ACSL5: variants seen among roughly 807,000 people sequenced by gnomAD.
The protein encoded by ACSL5 is long-chain-fatty-acid--CoA ligase 5.
ACSL5 carries 50 observed loss-of-function variants against 84.9 expected under a neutral mutation model. The ratio of observed to expected loss-of-function variants is 0.59; its 90% CI spans 0.47 to 0.75. ACSL5 has a LOEUF of 0.75. Ranked by LOEUF, ACSL5 falls within the 30% of genes least tolerant of loss-of-function variation. ACSL5 has a pLI of 0.00. For missense variants in ACSL5, 775 were observed against 830.4 expected, an observed-to-expected ratio of 0.93 and a Z score of 0.82; for synonymous variants, 280 against 300.7, an observed-to-expected ratio of 0.93 and a Z score of 0.71.
intron 1 of ACSL5, among the ~76,000 whole-genome samples, chr10:112,381,176 C>T (rs1849341378): frequency 6.6e-6 from 1 of 152,180 alleles, no homozygotes; most frequent in African/African-American, 2.4e-5. Context: ...TCTTAATGTG[C>T]TCCAGTCTGC....
intron 3 of ACSL5, among the ~76,000 whole-genome samples, chr10:112,399,654 C>T (rs1402984081): frequency 6.6e-6 from 1 of 152,232 alleles, no homozygotes; most frequent in African/African-American, 2.4e-5. Flanking sequence ...TGGCTTATAG[C>T]TCTTTCTGTG....
intron 1 of ACSL5, among the ~76,000 whole-genome samples, chr10:112,382,691 T>C (rs1200032945): frequency 6.6e-6 from 1 of 152,228 alleles, no homozygotes; most frequent in Non-Finnish European, 1.5e-5. Context: ...TATGGTATGC[T>C]TGCCTGTGGC....
chr10:112,389,621 A>G (rs1195532261), intron 1 of ACSL5, among the ~76,000 whole-genome samples: 1 of 152,150 alleles, frequency 6.6e-6, no homozygotes, highest in Admixed American at 6.5e-5. Flanking sequence ...AGTCACGCCC[A>G]CTGCTTACAG....
At chr10:112,407,873 C>G (rs544046883) in intron 5 of ACSL5, among the ~76,000 whole-genome samples, 8 of 152,148 alleles carry the variant, frequency 5.3e-5, no homozygotes, top group African/African-American at 1.4e-4. Context: ...ATACCTCTTA[C>G]GGATGGAACT....
At chr10:112,400,247 T>A (rs1427741087) in intron 3 of ACSL5, among the ~76,000 whole-genome samples, 1 of 152,088 alleles carries the variant, frequency 6.6e-6, no homozygotes, top group African/African-American at 2.4e-5. Flanking sequence ...GATCTTGCTC[T>A]GTCACCCAGG....
chr10:112,383,236 G>C (rs1046479344), intron 1 of ACSL5, among the ~76,000 whole-genome samples: 1 of 152,258 alleles, frequency 6.6e-6, no homozygotes, highest in African/African-American at 2.4e-5. Context: ...AGTGAGCTGA[G>C]CATGTTAGGA....
intron 1 of ACSL5, among the ~76,000 whole-genome samples, chr10:112,378,915 T>C (rs1237917807): frequency 1.6e-5 from 2 of 127,194 alleles, no homozygotes; most frequent in East Asian, 4.8e-4. Context: ...AGACAGCCCG[T>C]GCAATGCTGT....
chr10:112,396,670 T>C (rs1182144798), intron 2 of ACSL5, among the ~76,000 whole-genome samples: 5 of 152,140 alleles, frequency 3.3e-5, no homozygotes, highest in African/African-American at 2.4e-5. Context: ...TGTCTTTTCA[T>C]GCATGTTTTC....
intron 5 of ACSL5, among the ~76,000 whole-genome samples, chr10:112,405,594 A>G (rs1268626581): frequency 1.3e-5 from 2 of 152,156 alleles, no homozygotes; most frequent in Non-Finnish European, 2.9e-5. Context: ...GTCAGCCTCA[A>G]TAGAAAAAGG....
chr10:112,392,701 A>C (rs956785767), intron 1 of ACSL5, among the ~76,000 whole-genome samples: 81 of 150,394 alleles, frequency 5.4e-4, no homozygotes, highest in African/African-American at 1.9e-3. Flanking sequence ...AGATTGTACC[A>C]CTGCACTCCA....
Position 112,413,047 on chromosome 10 carries a change from C to T in ACSL5, c.949-126C>T, listed in dbSNP as rs531052337. 1.6e-4 allele frequency: 162 copies of T among 999,284 alleles called. No homozygotes were observed. In the African/African-American group the frequency reaches 2.4e-3, roughly 15 times the overall value. The allele number at this position is 999,284 out of a possible 1,614,324, so 61.9% of individuals were successfully genotyped here. ...TGTGCCTCAGCCCACTTCCCAAATT[C>T]CTTCCAAGACAGGTCCCCACTGAAG... On this transcript the variant is annotated intron_variant, in intron 11 of 20. Coordinates refer to ENST00000354655, the MANE Select transcript of ACSL5 (RefSeq NM_203379.2).
At chr10:112,394,339 A>G (rs1011041707) in intron 1 of ACSL5, among the ~76,000 whole-genome samples, 1 of 152,220 alleles carries the variant, frequency 6.6e-6, no homozygotes, top group Non-Finnish European at 1.5e-5. Flanking sequence ...AATGCTGTTG[A>G]TCTCAGAAAT....
chr10:112,392,028 T>C (rs1843652534), intron 1 of ACSL5, among the ~76,000 whole-genome samples: 1 of 152,220 alleles, frequency 6.6e-6, no homozygotes, highest in Non-Finnish European at 1.5e-5. Flanking sequence ...TTGCAAAGTC[T>C]CCTATTAAAA....
At chr10:112,412,212 A>G (rs1490149423) in intron 11 of ACSL5, 4 of 499,074 alleles carry the variant, frequency 8.0e-6, no homozygotes, top group African/African-American at 1.9e-5. Context: ...TCCTGCCTTC[A>G]TGGGGGTGTG....
intron 16 of ACSL5, 104 bp downstream of exon 16, chr10:112,422,139 T>C: frequency 7.5e-7 from 1 of 1,341,258 alleles, no homozygotes; most frequent in South Asian, 1.2e-5. Context: ...TTTGAGATTG[T>C]TAGCAAAGAA....
chr10:112,421,913 AGT>A, intron 15 of ACSL5, 32 bp from the exon 16 acceptor site: 1 of 1,590,550 alleles, frequency 6.3e-7, no homozygotes, highest in East Asian at 2.2e-5. Context: ...ACCATGCAAG[AGT>A]TTCTCAGCTA....
chr10:112,416,790 C>A, intron 12 of ACSL5, 98 bp from the exon 13 acceptor site: 2 of 1,374,554 alleles, frequency 1.5e-6, no homozygotes, highest in Non-Finnish European at 2.0e-6. Context: ...TGTGAGACCA[C>A]TTCCTTATAA....
At position 112,411,903 on chromosome 10, in the gene ACSL5, A is replaced by G. The variant is rs1844188379; in HGVS notation, c.872A>G (p.His291Arg). The G allele has an allele frequency of 1.2e-6, 2 of 1,613,342 alleles. No individual in the cohort carries two copies. Among genetic ancestry groups the G allele is most frequent in the Non-Finnish European group, 1.7e-6 (2 of 1,179,278 alleles). ...CTCTTACTTCCCTGGCCTACATAGC[A>G]TGCTTATGAGCCCACTCCTGATGAT... ...NAAAFLKCVEHAYEPTPDDVA... is the reference protein window; with the variant it reads ...NAAAFLKCVERAYEPTPDDVA... Residue 291 changes from histidine (H) to arginine (R), a missense_variant and splice_region_variant, in exon 11 of 21, where the codon CAT (histidine) becomes CGT (arginine). By Grantham distance (29) the His-to-Arg change is conservative. Coordinates refer to ENST00000354655, the MANE Select transcript of ACSL5 (RefSeq NM_203379.2).
At chr10:112,416,526 A>T (rs1479494514) in intron 12 of ACSL5, among the ~76,000 whole-genome samples, 5 of 151,378 alleles carry the variant, frequency 3.3e-5, no homozygotes, top group African/African-American at 7.3e-5. Context: ...TTGACCTACT[A>T]AATCAAAAGC....
Sources: allele counts gnomAD v4.1 joint callset (sites outside exome capture counted in the v4.1 genomes callset), GRCh38; gene constraint gnomAD v4.1.1; transcripts MANE v1.5; gene names NCBI Gene and HGNC (gene_info 2026-07-23, HGNC 2026-07-21).